The following TGFBR3 variants were observed in gnomAD, a reference collection of about 807,000 sequenced individuals.
TGFBR3 encodes the protein transforming growth factor beta receptor 3, also known as transforming growth factor beta receptor type 3.
TGFBR3 carries 46 observed loss-of-function variants against 87.9 expected under a neutral mutation model. That is an observed-to-expected ratio of 0.52 (90% CI 0.41 to 0.67). The LOEUF (loss-of-function observed/expected upper bound fraction) is 0.67, where lower values mean the gene tolerates loss of function less well. Among genes scored for constraint, TGFBR3 ranks in the 30% least tolerant of loss-of-function variants. The probability of loss-of-function intolerance (pLI) is 0.00; values close to 1 mark genes in which losing one functional copy is unlikely to be tolerated. For synonymous variants in TGFBR3, 381 were observed against 391.6 expected, an observed-to-expected ratio of 0.97 and a Z score of 0.32; for missense variants, 866 against 1,041.9, an observed-to-expected ratio of 0.83 and a Z score of 2.32.
intron 2 of TGFBR3, among the ~76,000 whole-genome samples, chr1:91,836,695 C>T (rs10875001): frequency 0.29 from 43,562 of 151,826 alleles, 7,030 homozygotes; most frequent in African/African-American, 0.43. Context: ...GTTAACTTTA[C>T]TATAGTTTAC....
intron 4 of TGFBR3, among the ~76,000 whole-genome samples, chr1:91,743,264 G>A (rs767298141): frequency 1.3e-5 from 2 of 152,278 alleles, no homozygotes; most frequent in East Asian, 3.9e-4. Flanking sequence ...GTGGTGAGGA[G>A]AGGAACTTGC....
At chr1:91,734,414 C>G (rs1672884469) in intron 5 of TGFBR3, among the ~76,000 whole-genome samples, 1 of 152,324 alleles carries the variant, frequency 6.6e-6, no homozygotes, top group Non-Finnish European at 1.5e-5. Context: ...TTCATTCTGC[C>G]AGCTCTTCCA....
intron 2 of TGFBR3, among the ~76,000 whole-genome samples, chr1:91,853,113 C>A (rs370364993): frequency 1.3e-5 from 2 of 151,470 alleles, no homozygotes; most frequent in African/African-American, 4.9e-5. Flanking sequence ...GAGCCATGAT[C>A]GCGCCACTGC....
At chr1:91,731,721 A>T (rs1672781417) in intron 5 of TGFBR3, among the ~76,000 whole-genome samples, 1 of 152,342 alleles carries the variant, frequency 6.6e-6, no homozygotes, top group South Asian at 2.1e-4. Context: ...CGGCATATCC[A>T]GTTCATAGGT....
intron 14 of TGFBR3, among the ~76,000 whole-genome samples, chr1:91,705,151 A>G (rs284875): frequency 0.92 from 140,452 of 152,030 alleles, 64,987 homozygotes; most frequent in South Asian, 0.94. Flanking sequence ...AAGCTGTCTG[A>G]CAGGAAGGAC....
intron 2 of TGFBR3, among the ~76,000 whole-genome samples, chr1:91,854,422 A>G (rs1323012649): frequency 6.6e-6 from 1 of 152,130 alleles, no homozygotes; most frequent in Non-Finnish European, 1.5e-5. Flanking sequence ...CCAAGGTGGT[A>G]GGAACATGCT....
chr1:91,769,069 C>T (rs1484224332), intron 3 of TGFBR3, among the ~76,000 whole-genome samples: 1 of 152,242 alleles, frequency 6.6e-6, no homozygotes, highest in East Asian at 1.9e-4. Context: ...CACCCTAGGG[C>T]CTCGAGGATG....
At chr1:91,828,959 T>C (rs1676747634) in intron 2 of TGFBR3, among the ~76,000 whole-genome samples, 1 of 152,136 alleles carries the variant, frequency 6.6e-6, no homozygotes, top group Non-Finnish European at 1.5e-5. Context: ...GTCCCTCTTT[T>C]TCTGACCATC....
intron 2 of TGFBR3, among the ~76,000 whole-genome samples, chr1:91,851,658 G>A (rs537125326): frequency 1.6e-4 from 24 of 152,328 alleles, no homozygotes; most frequent in African/African-American, 5.8e-4. Flanking sequence ...TAAGCTTTTA[G>A]CAATTAAAGA....
chr1:91,696,433 A>G (rs1273525380), intron 15 of TGFBR3, among the ~76,000 whole-genome samples: 1 of 152,232 alleles, frequency 6.6e-6, no homozygotes, highest in Admixed American at 6.5e-5. Flanking sequence ...TTTTCCAACC[A>G]TGATCTTTCT....
At chr1:91,905,496 G>A (rs762695088) in intron 1 of TGFBR3, among the ~76,000 whole-genome samples, 1 of 152,042 alleles carries the variant, frequency 6.6e-6, no homozygotes, top group Non-Finnish European at 1.5e-5. Flanking sequence ...GCAGTGGCAC[G>A]ACCTCGGCTC....
intron 3 of TGFBR3, among the ~76,000 whole-genome samples, chr1:91,784,313 A>G (rs967394251): frequency 1.3e-5 from 2 of 152,216 alleles, no homozygotes; most frequent in Admixed American, 1.3e-4. Flanking sequence ...AAGATGCACT[A>G]TGCAAAAGGA....
chr1:91,884,434 G>C (rs1402998524), intron 1 of TGFBR3, among the ~76,000 whole-genome samples: 1 of 152,086 alleles, frequency 6.6e-6, no homozygotes, highest in Non-Finnish European at 1.5e-5. Context: ...ATGTAAAATC[G>C]CCTAAATTCA....
chr1:91,748,271 G>A (rs1207365399), intron 4 of TGFBR3, among the ~76,000 whole-genome samples: 2 of 152,154 alleles, frequency 1.3e-5, no homozygotes, highest in East Asian at 1.9e-4. Context: ...GATGATCAAG[G>A]TGGTCTCCTA....
intron 1 of TGFBR3, among the ~76,000 whole-genome samples, chr1:91,902,272 TGTG>T (rs1346184154): frequency 4.9e-5 from 2 of 40,496 alleles, no homozygotes; most frequent in Non-Finnish European, 1.3e-4. Flanking sequence ...CCTTTTCTTT[TGTG>T]TGTGTGTGTG....
chr1:91,762,745 A>G (rs1329655181), intron 3 of TGFBR3, among the ~76,000 whole-genome samples: 1 of 152,258 alleles, frequency 6.6e-6, no homozygotes, highest in Admixed American at 6.5e-5. Context: ...TAATTGGTCT[A>G]ACCTGTTCTA....
chr1:91,898,448 T>G (rs1679600380), intron 2 of TGFBR3, among the ~76,000 whole-genome samples: 1 of 152,156 alleles, frequency 6.6e-6, no homozygotes, highest in Non-Finnish European at 1.5e-5. Flanking sequence ...GTTTTTCTGT[T>G]TTTTTTGAGA....
chr1:91,756,625 G>A (rs1218845549), intron 4 of TGFBR3, among the ~76,000 whole-genome samples: 1 of 152,154 alleles, frequency 6.6e-6, no homozygotes, highest in African/African-American at 2.4e-5. Flanking sequence ...AATAATTACT[G>A]ATTTTTGATT....
intron 2 of TGFBR3, among the ~76,000 whole-genome samples, chr1:91,826,744 T>TAAA (rs5776121): frequency 0.11 from 15,987 of 139,286 alleles, 1,237 homozygotes; most frequent in East Asian, 0.38. Flanking sequence ...CATCCACTAT[T>TAAA]AAAAAAAAAA....
Sources: gnomAD v4.1 joint callset for allele counts (sites outside exome capture counted in the v4.1 genomes callset) on GRCh38, gnomAD v4.1.1 for gene constraint, MANE v1.5 for transcripts, NCBI Gene and HGNC (gene_info 2026-07-23, HGNC 2026-07-21) for gene names.